The following ZFYVE9 variants were observed in gnomAD, a reference collection of about 807,000 sequenced individuals.
The protein encoded by ZFYVE9 is zinc finger FYVE-type containing 9, also known as zinc finger FYVE domain-containing protein 9.
In ZFYVE9, 43 loss-of-function variants were observed where a neutral mutation model predicts 126.7. The ratio of observed to expected loss-of-function variants is 0.34; its 90% CI spans 0.27 to 0.44. The LOEUF (loss-of-function observed/expected upper bound fraction) is 0.44, where lower values mean the gene tolerates loss of function less well. Ranked by LOEUF, ZFYVE9 falls within the 20% of genes least tolerant of loss-of-function variation. ZFYVE9 has a pLI of 1.00. For synonymous variants in ZFYVE9, 521 were observed against 597.4 expected, an observed-to-expected ratio of 0.87 and a Z score of 1.87; for missense variants, 1,476 against 1,697.0, an observed-to-expected ratio of 0.87 and a Z score of 2.29.
At position 52,278,519 on chromosome 1, in the gene ZFYVE9, A is replaced by G. The variant is rs751858399; in HGVS notation, c.2774A>G (p.Gln925Arg). Residue 925 changes from glutamine (Q) to arginine (R), a missense_variant, in exon 9 of 19, where the codon CAG becomes CGG. Gln to Arg is a conservative substitution (Grantham distance 43). Transcript: ENST00000287727. ...TATGCTGTGGAAGAGAAACCATCAC[A>G]GATTTCAGTAATGCAGCAGTTGGAG... ...GDYAVEEKPS[Q>R]ISVMQQLEDG... 16 of 1,613,964 alleles carry G rather than the reference A, an allele frequency of 9.9e-6. No individual in the cohort carries two copies. In the East Asian group the frequency reaches 3.3e-4, roughly 34 times the overall value.
chr1:52,181,892 A>G (rs1207238199), intron 1 of ZFYVE9, among the ~76,000 whole-genome samples: 7 of 146,234 alleles, frequency 4.8e-5, no homozygotes, highest in East Asian at 2.1e-4. Flanking sequence ...CCCGGCAGCC[A>G]CCCCGTCTGG....
chr1:52,263,316 G>A (rs1440620284), intron 4 of ZFYVE9, among the ~76,000 whole-genome samples: 2 of 151,992 alleles, frequency 1.3e-5, no homozygotes, highest in African/African-American at 4.8e-5. Flanking sequence ...GAAAACAGCT[G>A]GTATAGTTAT....
intron 1 of ZFYVE9, among the ~76,000 whole-genome samples, chr1:52,212,835 CATT>C (rs890309059): frequency 6.6e-6 from 1 of 152,104 alleles, no homozygotes; most frequent in African/African-American, 2.4e-5. Flanking sequence ...GAAATATAAA[CATT>C]ATGGGAACAC....
intron 1 of ZFYVE9, among the ~76,000 whole-genome samples, chr1:52,159,660 A>T (rs1395175993): frequency 6.6e-6 from 1 of 152,180 alleles, no homozygotes; most frequent in East Asian, 1.9e-4. Context: ...CTGCAGTAGG[A>T]GGCTGTCAGC....
chr1:52,206,124 G>A (rs1261676831), intron 1 of ZFYVE9, among the ~76,000 whole-genome samples: 1 of 152,154 alleles, frequency 6.6e-6, no homozygotes, highest in Non-Finnish European at 1.5e-5. Context: ...CAGTTATAAG[G>A]ATATGACAAT....
intron 4 of ZFYVE9, among the ~76,000 whole-genome samples, chr1:52,247,619 C>T (rs1238919441): frequency 6.6e-6 from 1 of 152,082 alleles, no homozygotes; most frequent in Admixed American, 6.5e-5. Context: ...GCCTCAGCCT[C>T]CCGAGTAGTT....
chr1:52,297,042 A>G (rs114652238), intron 12 of ZFYVE9, among the ~76,000 whole-genome samples: 1,877 of 151,914 alleles, frequency 0.012, 34 homozygotes, highest in African/African-American at 0.043. Context: ...CCTGGCCTCA[A>G]TGATTCACCT....
intron 1 of ZFYVE9, among the ~76,000 whole-genome samples, chr1:52,154,092 C>T (rs1160050632): frequency 6.6e-6 from 1 of 152,252 alleles, no homozygotes; most frequent in Non-Finnish European, 1.5e-5. Context: ...TGCCACAAAT[C>T]TTTCACTGTG....
At chr1:52,220,662 G>T (rs1235625200) in intron 2 of ZFYVE9, among the ~76,000 whole-genome samples, 1 of 152,176 alleles carries the variant, frequency 6.6e-6, no homozygotes, top group African/African-American at 2.4e-5. Context: ...ACCCCAGTGA[G>T]TTCCTGGATG....
At chr1:52,144,999 G>A (rs1242684484) in intron 1 of ZFYVE9, among the ~76,000 whole-genome samples, 2 of 152,148 alleles carry the variant, frequency 1.3e-5, no homozygotes, top group Non-Finnish European at 2.9e-5. Flanking sequence ...ATGACCAAGG[G>A]CTCTACTAAA....
intron 3 of ZFYVE9, 38 bp downstream of exon 3, chr1:52,233,314 G>T: frequency 6.8e-7 from 1 of 1,476,288 alleles, no homozygotes. Flanking sequence ...TGCCTATGTG[G>T]TATAGAGAAT....
intron 1 of ZFYVE9, among the ~76,000 whole-genome samples, chr1:52,206,438 A>G (rs17363981): frequency 0.056 from 8,539 of 152,236 alleles, 263 homozygotes; most frequent in South Asian, 0.075. Flanking sequence ...CTAATATGGT[A>G]TTAATTAATA....
chr1:52,262,123 G>A (rs750219266), intron 4 of ZFYVE9, among the ~76,000 whole-genome samples: 41 of 152,304 alleles, frequency 2.7e-4, no homozygotes, highest in African/African-American at 8.4e-4. Flanking sequence ...TCAAGGCAAC[G>A]GTAGATTTGG....
At chr1:52,267,826 C>T (rs1053181965) in intron 6 of ZFYVE9, among the ~76,000 whole-genome samples, 2 of 152,148 alleles carry the variant, frequency 1.3e-5, no homozygotes, top group African/African-American at 4.8e-5. Context: ...TCATCAGACT[C>T]AGTTTTCCAG....
chr1:52,192,749 CAA>C lies in ZFYVE9; in HGVS notation c.-142-23618_-142-23617del, dbSNP rs1644827262. Among the ~76,000 whole-genome samples the C allele has an allele frequency of 3.9e-5, 6 of 152,038 alleles. No homozygotes were observed. In the South Asian group the frequency reaches 1.0e-3, roughly 26 times the overall value. On this transcript the variant is annotated intron_variant, in intron 1 of 18. Coordinates refer to ENST00000287727, the MANE Select transcript of ZFYVE9 (RefSeq NM_004799.4). ...AAACATCATAACAGAAAAAAATGGACAAAGAATTTGAACAGGAGGTCATCGAA... is the reference window on the plus strand; with the variant it reads ...AAACATCATAACAGAAAAAAATGGACAGAATTTGAACAGGAGGTCATCGAA...
At chr1:52,285,209 T>C (rs1242362834) in intron 10 of ZFYVE9, among the ~76,000 whole-genome samples, 1 of 152,196 alleles carries the variant, frequency 6.6e-6, no homozygotes, top group Non-Finnish European at 1.5e-5. Flanking sequence ...AAAACACAGA[T>C]ATATTATCTA....
At chr1:52,282,553 C>T (rs929553701) in intron 10 of ZFYVE9, among the ~76,000 whole-genome samples, 5 of 151,912 alleles carry the variant, frequency 3.3e-5, no homozygotes, top group South Asian at 4.2e-4. Context: ...TGAGGGTGAC[C>T]GGGGTATTAA....
At chr1:52,294,251 T>G (rs534344269) in intron 11 of ZFYVE9, among the ~76,000 whole-genome samples, 1 of 152,352 alleles carries the variant, frequency 6.6e-6, no homozygotes, top group African/African-American at 2.4e-5. Context: ...TGAGTAAGAT[T>G]CTCAACTCTG....
intron 1 of ZFYVE9, among the ~76,000 whole-genome samples, chr1:52,181,412 T>A (rs1644701667): frequency 6.6e-6 from 1 of 152,190 alleles, no homozygotes; most frequent in Non-Finnish European, 1.5e-5. Context: ...TGGAGTGCAG[T>A]GGCGTGATCT....
Sources: gnomAD v4.1 joint callset for allele counts (sites outside exome capture counted in the v4.1 genomes callset) on GRCh38, gnomAD v4.1.1 for gene constraint, MANE v1.5 for transcripts, NCBI Gene and HGNC (gene_info 2026-07-23, HGNC 2026-07-21) for gene names.